The following IQGAP2 variants were observed in gnomAD, a reference collection of about 807,000 sequenced individuals.
IQGAP2 encodes IQ motif containing GTPase activating protein 2.
A neutral mutation model predicts 201.3 loss-of-function variants in IQGAP2; 173 were observed. The observed-to-expected ratio is 0.86, with a 90% CI of 0.76 to 0.98. IQGAP2 has a LOEUF of 0.98. IQGAP2 is among the 50% of genes least tolerant of loss of function. The pLI is 0.00. For missense variants in IQGAP2, 1,687 were observed against 1,864.8 expected (o/e 0.90, Z 1.76); for synonymous variants, 675 against 673.9 (o/e 1.00, Z -0.03).
chr5:76,587,086 G>T (rs1307705113), intron 5 of IQGAP2, among the ~76,000 whole-genome samples: 1 of 152,164 alleles, frequency 6.6e-6, no homozygotes, highest in African/African-American at 2.4e-5. Flanking sequence ...TATCAATTGG[G>T]TTATTTTTTC....
intron 5 of IQGAP2, among the ~76,000 whole-genome samples, chr5:76,582,957 C>G (rs1276565848): frequency 6.6e-6 from 1 of 152,234 alleles, no homozygotes; most frequent in Non-Finnish European, 1.5e-5. Context: ...GCTGGCCTCA[C>G]TCAGCTGCAC....
At chr5:76,431,116 T>G (rs565192177) in intron 1 of IQGAP2, among the ~76,000 whole-genome samples, 52 of 152,164 alleles carry the variant, frequency 3.4e-4, no homozygotes, top group Middle Eastern at 3.4e-3. Flanking sequence ...TCTTAAAAAT[T>G]GCATTAAATT....
intron 17 of IQGAP2, among the ~76,000 whole-genome samples, chr5:76,642,431 A>G (rs1429161723): frequency 1.3e-5 from 2 of 152,196 alleles, no homozygotes; most frequent in Admixed American, 6.6e-5. Flanking sequence ...CGAAGCAGCC[A>G]TCAAACCATG....
Position 76,487,436 on chromosome 5 carries a change from C to T in IQGAP2, c.146+25767C>T, listed in dbSNP as rs61428971. ...CAGTTTGAATGGGGGGATGTGGATG[C>T]GGATCTTACACTTAGGATCACTGTA... is the stretch of plus-strand genomic sequence containing the variant. On this transcript the variant is annotated intron_variant, in intron 2 of 35. Coordinates refer to ENST00000274364, the MANE Select transcript of IQGAP2 (RefSeq NM_006633.5). Among the ~76,000 whole-genome samples, 1,175 of 152,194 alleles carry T rather than the reference C, an allele frequency of 7.7e-3. 16 individuals carry two copies. Among genetic ancestry groups the T allele is most frequent in the African/African-American group, 0.027 (1,113 of 41,502 alleles).
chr5:76,611,673 C>T (rs1044479030), intron 13 of IQGAP2, among the ~76,000 whole-genome samples: 2 of 152,210 alleles, frequency 1.3e-5, no homozygotes, highest in African/African-American at 2.4e-5. Flanking sequence ...GATTGATTCA[C>T]GGATGTTTGA....
At chr5:76,539,157 C>G (rs1374873913) in intron 2 of IQGAP2, among the ~76,000 whole-genome samples, 2 of 152,212 alleles carry the variant, frequency 1.3e-5, no homozygotes, top group African/African-American at 4.8e-5. Context: ...CCCAAGGGCT[C>G]CTGCCCCTCT....
At chr5:76,610,232 A>C (rs1748260346) in intron 12 of IQGAP2, among the ~76,000 whole-genome samples, 1 of 141,452 alleles carries the variant, frequency 7.1e-6, no homozygotes, top group African/African-American at 2.7e-5. Context: ...TCCTGGATTC[A>C]AGTGATTCTC....
chr5:76,524,615 C>A (rs1459752140), intron 2 of IQGAP2, among the ~76,000 whole-genome samples: 3 of 152,010 alleles, frequency 2.0e-5, no homozygotes, highest in African/African-American at 4.8e-5. Flanking sequence ...TGTTAAGAAT[C>A]AAAAAACATA....
intron 17 of IQGAP2, among the ~76,000 whole-genome samples, chr5:76,646,182 C>G (rs752763387): frequency 6.6e-5 from 10 of 152,164 alleles, no homozygotes; most frequent in Non-Finnish European, 1.3e-4. Context: ...GCCATGGAAT[C>G]CCAGTGACCC....
intron 4 of IQGAP2, among the ~76,000 whole-genome samples, chr5:76,575,140 G>A (rs780342928): frequency 8.6e-5 from 13 of 151,980 alleles, no homozygotes; most frequent in Non-Finnish European, 1.2e-4. Flanking sequence ...TGGGAGGTGG[G>A]GTCATAGATG....
intron 29 of IQGAP2, 132 bp from the exon 30 acceptor site, chr5:76,683,644 G>A (rs1403195869): frequency 2.8e-6 from 2 of 723,674 alleles, no homozygotes; most frequent in Non-Finnish European, 4.2e-6. Flanking sequence ...GTAGAATGTG[G>A]GTTTTGTAAA....
chr5:76,623,463 C>T (rs1749919648), intron 13 of IQGAP2: 3 of 524,772 alleles, frequency 5.7e-6, no homozygotes, highest in Non-Finnish European at 1.0e-5. Flanking sequence ...GAACGTGTTA[C>T]GTTATCCCTG....
At chr5:76,686,845 T>C (rs10805907) in intron 30 of IQGAP2, among the ~76,000 whole-genome samples, 111,459 of 152,128 alleles carry the variant, frequency 0.73, 41,350 homozygotes, top group African/African-American at 0.83. Context: ...GTCCAGTTGT[T>C]CTAGCACTAT....
At chr5:76,644,883 A>C (rs1751907558) in intron 17 of IQGAP2, among the ~76,000 whole-genome samples, 1 of 152,178 alleles carries the variant, frequency 6.6e-6, no homozygotes, top group Non-Finnish European at 1.5e-5. Context: ...TAAGTTCGGG[A>C]TACATGTGCA....
chr5:76,550,677 C>A (rs1052396293), intron 2 of IQGAP2, among the ~76,000 whole-genome samples: 1 of 152,214 alleles, frequency 6.6e-6, no homozygotes, highest in Non-Finnish European at 1.5e-5. Context: ...GGGGTAGGGT[C>A]ACCGATCAAC....
At chr5:76,481,836 T>C (rs1439920493) in intron 2 of IQGAP2, among the ~76,000 whole-genome samples, 2 of 152,212 alleles carry the variant, frequency 1.3e-5, no homozygotes, top group Middle Eastern at 6.3e-3. Context: ...GAAGCTGCCA[T>C]GTTGGAGAGA....
Position 76,658,475 on chromosome 5 carries a change from A to G in IQGAP2, c.2337A>G (p.Pro779=). The change falls in exon 21 of 36, where the codon CCA becomes CCG. Residue 779 remains proline (P), a synonymous_variant. Transcript: ENST00000274364. The part of the protein sequence containing the change: ...DYKTLVGSEN[P]PLTVIRKFVY... The stretch of plus-strand genomic sequence containing the variant: ...TCACTGCAGTTGGCTCTGAAAACCC[A>G]CCATTAACAGTAATTCGCAAATTTG... The G allele has an allele frequency of 1.2e-6, 2 of 1,613,818 alleles. No individual in the cohort carries two copies. Among genetic ancestry groups the G allele is most frequent in the East Asian group, 2.2e-5 (1 of 44,884 alleles).
At chr5:76,670,010 A>G (rs868288169) in intron 23 of IQGAP2, among the ~76,000 whole-genome samples, 6 of 152,018 alleles carry the variant, frequency 3.9e-5, no homozygotes, top group African/African-American at 4.8e-5. Context: ...TTTAGTAGAG[A>G]AGAGGTTTCA....
intron 30 of IQGAP2, among the ~76,000 whole-genome samples, chr5:76,689,230 TAAAAAAAAAAAAA>T (rs11424254): frequency 2.3e-4 from 20 of 86,494 alleles, no homozygotes; most frequent in Non-Finnish European, 2.9e-4. Flanking sequence ...CAGGGATATT[TAAAAAAAAAAAAA>T]AAAAAAAAAA....
Sources: gnomAD v4.1 joint callset for allele counts (sites outside exome capture counted in the v4.1 genomes callset) on GRCh38, gnomAD v4.1.1 for gene constraint, MANE v1.5 for transcripts, NCBI Gene and HGNC (gene_info 2026-07-23, HGNC 2026-07-21) for gene names.